The following DOP1B variants were observed in gnomAD, a reference collection of about 807,000 sequenced individuals.
DOP1B encodes the protein protein DOP1B.
DOP1B carries 174 observed loss-of-function variants against 233.5 expected under a neutral mutation model. The observed-to-expected ratio is 0.75, with a 90% CI of 0.66 to 0.85. The LOEUF (loss-of-function observed/expected upper bound fraction) is 0.85, where lower values mean the gene tolerates loss of function less well. Ranked by LOEUF, DOP1B falls within the 40% of genes least tolerant of loss-of-function variation. The pLI is 0.00. For synonymous variants in DOP1B, 1,190 were observed against 1,185.6 expected, an observed-to-expected ratio of 1.00 and a Z score of -0.08; for missense variants, 2,652 against 2,846.6, an observed-to-expected ratio of 0.93 and a Z score of 1.56.
intron 35 of DOP1B, among the ~76,000 whole-genome samples, chr21:36,289,466 T>C (rs1419651296): frequency 8.6e-6 from 1 of 116,590 alleles, no homozygotes; most frequent in African/African-American, 3.3e-5. Flanking sequence ...TGTGTGTGTG[T>C]GTGTGTGTGG....
Position 36,241,075 on chromosome 21 carries a change from G to A in DOP1B, c.3067+1120G>A, listed in dbSNP as rs77297932. Among the ~76,000 whole-genome samples, 16 of 152,086 alleles carry A rather than the reference G, an allele frequency of 1.1e-4. No individual in the cohort carries two copies. The East Asian group carries it at 1.5e-3, about 15-fold the overall frequency. On this transcript the variant is annotated intron_variant, in intron 18 of 36. Coordinates refer to ENST00000691173, the MANE Select transcript of DOP1B (RefSeq NM_001320714.2). The stretch of plus-strand genomic sequence containing the variant: ...TTTGGGAGGCTGAGGCAGGCAGATC[G>A]TGAGGTCAAGAGATCGAGACCATCC...
At chr21:36,208,006 A>G (rs972414537) in intron 4 of DOP1B, among the ~76,000 whole-genome samples, 1 of 152,180 alleles carries the variant, frequency 6.6e-6, no homozygotes, top group Non-Finnish European at 1.5e-5. Flanking sequence ...TCTTAAAAGG[A>G]TGCATGAGAA....
rs747734919 is a variant in DOP1B, at chr21:36,247,637, T to C, written c.4809+9T>C. The C allele has an allele frequency of 1.4e-5, 22 of 1,583,142 alleles. No homozygotes were observed. The South Asian group carries it at 2.5e-4, about 18-fold the overall frequency. On this transcript the variant is annotated intron_variant, in intron 20 of 36. Transcript: ENST00000691173. ...CCAACCAAAACAAAAAGGTAAATTT[T>C]TTTTTTTCCTGAGTTCAAGGCAATT...
chr21:36,280,356 G>A lies in DOP1B; in HGVS notation c.6031+10G>A, dbSNP rs755454007. 2 of 1,593,526 alleles carry A rather than the reference G, an allele frequency of 1.3e-6. No individual in the cohort carries two copies. The highest frequency in any genetic ancestry group is 1.1e-5 in the South Asian group (1 of 89,422). On this transcript the variant is annotated intron_variant, in intron 31 of 36. Coordinates refer to ENST00000691173, the MANE Select transcript of DOP1B (RefSeq NM_001320714.2). Reference sequence around the variant, plus strand: ...TTTAAGGATTTAATGAGTAAGTTCTGTGTTACTTTTGCATAACTCACACTT... The same window carrying A: ...TTTAAGGATTTAATGAGTAAGTTCTATGTTACTTTTGCATAACTCACACTT...
At position 36,227,845 on chromosome 21, in the gene DOP1B, T is replaced by C. The variant is rs374820310; in HGVS notation, c.1633T>C (p.Tyr545His). Residue 545 changes from tyrosine (Y) to histidine (H), a missense_variant, in exon 13 of 37, where the codon TAC becomes CAC. Tyr to His is a moderately conservative substitution (Grantham distance 83). Coordinates refer to ENST00000691173, the MANE Select transcript of DOP1B (RefSeq NM_001320714.2). ...CAGCAAAGTCCAGATGCCTCCTTCC[T>C]ACCTCGACACGGAGTCCACCAGCGG... ...VLSKVQMPPS[Y>H]LDTESTSGTS... is the part of the protein sequence containing the mutation. 80 of 1,608,518 alleles carry C rather than the reference T, an allele frequency of 5.0e-5. No homozygotes were observed. Among genetic ancestry groups the C allele is most frequent in the Non-Finnish European group, 6.5e-5 (76 of 1,176,182 alleles).
At chr21:36,233,969 T>C (rs934110827) in intron 15 of DOP1B, among the ~76,000 whole-genome samples, 8 of 152,194 alleles carry the variant, frequency 5.3e-5, no homozygotes, top group African/African-American at 2.4e-5. Flanking sequence ...TTCTCCTGCC[T>C]CAGCCTCCCG....
Position 36,177,418 on chromosome 21 carries a change from GAATATTTTTGCCATTCTTCCTTT to G in DOP1B, c.138+12548_138+12570del, listed in dbSNP as rs1436672066. ...CTATTTACTTTGTGTTTGAGTGAAG[GAATATTTTTGCCATTCTTCCTTT>G]CAGGTCTGCTGTGGGGCTGGAGGTA... is the stretch of plus-strand genomic sequence containing the variant. On this transcript the variant is annotated intron_variant, in intron 2 of 36. Coordinates refer to ENST00000691173, the MANE Select transcript of DOP1B (RefSeq NM_001320714.2). 2.6e-5 allele frequency among the ~76,000 whole-genome samples: 4 copies of G among 152,194 alleles called. 1 individual carries two copies. The highest frequency in any genetic ancestry group is 9.7e-5 in the African/African-American group (4 of 41,440).
At chr21:36,205,797 G>A (rs959282205) in intron 4 of DOP1B, among the ~76,000 whole-genome samples, 1 of 151,936 alleles carries the variant, frequency 6.6e-6, no homozygotes, top group Non-Finnish European at 1.5e-5. Flanking sequence ...CTGAGCTCAG[G>A]TGTTCAAGAC....
At chr21:36,187,206 CTT>C (rs2066174661) in intron 2 of DOP1B, among the ~76,000 whole-genome samples, 1 of 148,746 alleles carries the variant, frequency 6.7e-6, no homozygotes, top group African/African-American at 2.5e-5. Flanking sequence ...CCTCCCCTCC[CTT>C]CCCCTCCTCT....
At chr21:36,160,477 C>CTTTT (rs5843748) in intron 1 of DOP1B, among the ~76,000 whole-genome samples, 1 of 122,798 alleles carries the variant, frequency 8.1e-6, no homozygotes, top group African/African-American at 3.2e-5. Flanking sequence ...TTTAAGTTTT[C>CTTTT]TTTTTTTTTT....
chr21:36,175,283 G>A (rs1401553638), intron 2 of DOP1B, among the ~76,000 whole-genome samples: 1 of 151,824 alleles, frequency 6.6e-6, no homozygotes, highest in African/African-American at 2.4e-5. Flanking sequence ...GCTAATTTTT[G>A]TATTTTTAGT....
At chr21:36,190,442 G>A (rs532415777) in intron 2 of DOP1B, among the ~76,000 whole-genome samples, 5 of 151,482 alleles carry the variant, frequency 3.3e-5, no homozygotes, top group African/African-American at 9.7e-5. Context: ...CTCTCACTCA[G>A]GCTGGAGTGC....
At chr21:36,240,195 G>A (rs1180808328) in intron 18 of DOP1B, among the ~76,000 whole-genome samples, 1 of 152,098 alleles carries the variant, frequency 6.6e-6, no homozygotes, top group African/African-American at 2.4e-5. Context: ...AAAAAGGAAA[G>A]TTGGCCAGGC....
At chr21:36,176,097 C>CATGT (rs1555886144) in intron 2 of DOP1B, among the ~76,000 whole-genome samples, 2 of 141,744 alleles carry the variant, frequency 1.4e-5, no homozygotes, top group Non-Finnish European at 3.1e-5. Context: ...GGTGTGTGTG[C>CATGT]GTGTGTGTGT....
chr21:36,263,025 G>T (rs992905929), intron 24 of DOP1B, among the ~76,000 whole-genome samples: 83 of 151,828 alleles, frequency 5.5e-4, no homozygotes, highest in Non-Finnish European at 1.0e-3. Flanking sequence ...ACCTGAGGTC[G>T]GGAGTTCGAG....
intron 2 of DOP1B, among the ~76,000 whole-genome samples, chr21:36,194,242 G>A (rs2066263398): frequency 6.6e-6 from 1 of 152,182 alleles, no homozygotes; most frequent in Non-Finnish European, 1.5e-5. Flanking sequence ...GAGCAGTCCA[G>A]CAAGTTCTGT....
chr21:36,252,446 A>G (rs1314197112), intron 22 of DOP1B, among the ~76,000 whole-genome samples: 2 of 147,664 alleles, frequency 1.4e-5, no homozygotes, highest in East Asian at 2.0e-4. Flanking sequence ...CAACAGAGTG[A>G]CACTTCATGT....
At chr21:36,252,759 C>T (rs945911384) in intron 22 of DOP1B, among the ~76,000 whole-genome samples, 4 of 152,174 alleles carry the variant, frequency 2.6e-5, no homozygotes, top group South Asian at 2.1e-4. Flanking sequence ...ATCCGCCTGC[C>T]TCGGCCTCCC....
intron 2 of DOP1B, among the ~76,000 whole-genome samples, chr21:36,182,560 G>C (rs746871725): frequency 1.3e-5 from 2 of 152,116 alleles, no homozygotes; most frequent in Non-Finnish European, 2.9e-5. Flanking sequence ...CTGGCAGGGC[G>C]TGCTGGTTCA....
Sources: allele counts gnomAD v4.1 joint callset (sites outside exome capture counted in the v4.1 genomes callset), GRCh38; gene constraint gnomAD v4.1.1; transcripts MANE v1.5; gene names NCBI Gene and HGNC (gene_info 2026-07-23, HGNC 2026-07-21).